TGDS: variants seen among roughly 807,000 people sequenced by gnomAD.
TGDS encodes the protein TDP-glucose 4,6-dehydratase.
In TGDS, 47 loss-of-function variants were observed where a neutral mutation model predicts 52.3. The ratio of observed to expected loss-of-function variants is 0.90; its 90% CI spans 0.71 to 1.15. The LOEUF (loss-of-function observed/expected upper bound fraction) is 1.15, where lower values mean the gene tolerates loss of function less well. Ranked by LOEUF, TGDS falls within the 50% of genes most tolerant of loss-of-function variation. The pLI, the probability that TGDS is intolerant of heterozygous loss-of-function variation, is 0.00. For missense variants in TGDS, 375 were observed against 418.4 expected (o/e 0.90, Z 0.90); for synonymous variants, 115 against 136.9 (o/e 0.84, Z 1.12).
At chr13:94,592,347 G>A (rs752394401) in intron 2 of TGDS, 38 bp from the exon 3 acceptor site, 1 of 1,521,000 alleles carries the variant, frequency 6.6e-7, no homozygotes, top group East Asian at 2.3e-5. Flanking sequence ...AACACAAAAA[G>A]TGACATTAGC....
rs761955397 is a variant in TGDS, at chr13:94,592,299, C to T, written c.164G>A (p.Cys55Tyr). 2 of 1,604,490 alleles carry T rather than the reference C, an allele frequency of 1.2e-6. No individual in the cohort carries two copies. Among genetic ancestry groups the T allele is most frequent in the Non-Finnish European group, 1.7e-6 (2 of 1,177,646 alleles). ...GGTTTCAAGATTCTTCAAGCTTGCA[C>T]AGTAATCCAGCTTGAAAGAAGAGAG... ...MIINLDKLDY[C>Y]ASLKNLETIS... Residue 55 changes from cysteine (C) to tyrosine (Y), a missense_variant, in exon 3 of 12, where the codon TGT (cysteine) becomes TAT (tyrosine). By Grantham distance (194) the Cys-to-Tyr change is radical. Coordinates refer to ENST00000261296, the MANE Select transcript of TGDS (RefSeq NM_014305.4).
intron 6 of TGDS, 77 bp downstream of exon 6, chr13:94,581,014 A>G: frequency 1.1e-6 from 1 of 888,940 alleles, no homozygotes; most frequent in South Asian, 2.5e-5. Context: ...AAAAAAAGAA[A>G]AAAAAAAGCT....
chr13:94,582,060 T>G (rs1437164191), intron 5 of TGDS, among the ~76,000 whole-genome samples: 1 of 152,032 alleles, frequency 6.6e-6, no homozygotes, highest in Non-Finnish European at 1.5e-5. Context: ...TAGCTGGGCA[T>G]GGTGGTGCAT....
intron 2 of TGDS, among the ~76,000 whole-genome samples, chr13:94,593,485 T>C (rs1321367010): frequency 6.6e-6 from 1 of 152,076 alleles, no homozygotes; most frequent in African/African-American, 2.4e-5. Context: ...CTAAGATATG[T>C]CAATTAAAAA....
In TGDS at chr13:94,596,003, T is replaced by C. The variant is rs61059160; in HGVS notation, c.86+48A>G. 460 of 1,607,836 alleles carry C rather than the reference T, an allele frequency of 2.9e-4. No homozygotes were observed. In the African/African-American group the frequency reaches 4.9e-3, roughly 17 times the overall value. Reference sequence around the variant, plus strand: ...GGGCAAGCAGAGCTGCGGGAAAAGGTAGGGGTTTCTGGGGAGCCACTGCTT... The same window carrying C: ...GGGCAAGCAGAGCTGCGGGAAAAGGCAGGGGTTTCTGGGGAGCCACTGCTT... On this transcript the variant is annotated intron_variant, in intron 1 of 11. Transcript: ENST00000261296.
Position 94,583,096 on chromosome 13 carries a change from T to A in TGDS, c.454A>T (p.Lys152Ter). 1 of 1,613,206 alleles carries A rather than the reference T, an allele frequency of 6.2e-7. No homozygotes were observed. Among genetic ancestry groups the A allele is most frequent in the Non-Finnish European group, 8.5e-7 (1 of 1,179,796 alleles). The change falls in exon 5 of 12, where the codon AAG becomes TAG. Residue 152 changes from lysine (K) to a stop codon, truncating the protein, a stop_gained and splice_region_variant. Coordinates refer to ENST00000261296, the MANE Select transcript of TGDS (RefSeq NM_014305.4). LOFTEE classifies it high-confidence loss of function. ...AAATATACATTTTCTAAGCTCACCT[T>A]ATCAAGACTGCCACCATATACTTCA... Reference protein sequence around the residue: ...TDEVYGGSLDKEFDESSPKQP... With the variant: ...TDEVYGGSLD
At chr13:94,586,587 G>A (rs1670945530) in intron 4 of TGDS, among the ~76,000 whole-genome samples, 1 of 152,030 alleles carries the variant, frequency 6.6e-6, no homozygotes, top group Non-Finnish European at 1.5e-5. Context: ...ACCATATACT[G>A]AACCAAAAAG....
At chr13:94,586,034 A>AGG (rs1162640112) in intron 4 of TGDS, among the ~76,000 whole-genome samples, 2 of 152,174 alleles carry the variant, frequency 1.3e-5, no homozygotes, top group Non-Finnish European at 2.9e-5. Flanking sequence ...AAATCCTTAA[A>AGG]AAAAGCAAGC....
intron 1 of TGDS, 48 bp from the exon 2 acceptor site, chr13:94,593,955 A>G: frequency 8.5e-7 from 1 of 1,174,336 alleles, no homozygotes; most frequent in Non-Finnish European, 1.2e-6. Context: ...TAACTTCCCT[A>G]AACTCTTGAA....
At position 94,579,876 on chromosome 13, in the gene TGDS, T is replaced by C. The variant is rs2139518855; in HGVS notation, c.615+18A>G. 2 of 1,476,598 alleles carry C rather than the reference T, an allele frequency of 1.4e-6. No individual in the cohort carries two copies. The highest frequency in any genetic ancestry group is 1.2e-5 in the South Asian group (1 of 82,942). 91.5% of individuals were successfully genotyped at this position (1,476,598 alleles called of 1,614,324 possible). A position where few individuals can be genotyped will look rare whatever the true frequency, so the allele number is the denominator to read the frequency against. ...TACAATCACTGAAAAACACCATGAA[T>C]TAAGAAGTAAAATTTACCTTTTCTG... is the stretch of plus-strand genomic sequence containing the variant. On this transcript the variant is annotated intron_variant, in intron 7 of 11. Coordinates refer to ENST00000261296, the MANE Select transcript of TGDS (RefSeq NM_014305.4).
intron 4 of TGDS, among the ~76,000 whole-genome samples, chr13:94,584,491 A>T (rs1212588882): frequency 6.6e-6 from 1 of 152,270 alleles, no homozygotes; most frequent in Non-Finnish European, 1.5e-5. Flanking sequence ...CTCAATGCGG[A>T]TTGGACATTT....
intron 11 of TGDS, 75 bp from the exon 12 acceptor site, chr13:94,574,927 C>G: frequency 1.2e-6 from 1 of 862,046 alleles, no homozygotes. Flanking sequence ...CCAACCTTTA[C>G]TGAGTTCCTG....
chr13:94,586,283 A>C (rs1888979951), intron 4 of TGDS, among the ~76,000 whole-genome samples: 2 of 152,252 alleles, frequency 1.3e-5, no homozygotes, highest in Non-Finnish European at 2.9e-5. Flanking sequence ...CAGCTAACCC[A>C]TAAAACTAGA....
At chr13:94,581,047 G>T in intron 6 of TGDS, 44 bp downstream of exon 6, 2 of 1,174,186 alleles carry the variant, frequency 1.7e-6, no homozygotes, top group Non-Finnish European at 1.2e-6. Flanking sequence ...TAACACTTAA[G>T]TCCAAAGGAA....
intron 4 of TGDS, among the ~76,000 whole-genome samples, chr13:94,584,489 G>C (rs140836771): frequency 6.6e-6 from 1 of 152,122 alleles, no homozygotes; most frequent in African/African-American, 2.4e-5. Flanking sequence ...ATCTCAATGC[G>C]GATTGGACAT....
intron 1 of TGDS, among the ~76,000 whole-genome samples, chr13:94,595,646 A>G (rs1364257025): frequency 6.6e-6 from 1 of 152,196 alleles, no homozygotes; most frequent in African/African-American, 2.4e-5. Flanking sequence ...TTTGCTGATT[A>G]CATAGATGTC....
chr13:94,583,134 T>C lies in TGDS; in HGVS notation c.416A>G (p.Tyr139Cys). ...AHEARVEKFIYVSTDEVYGGS... is the reference protein window; with the variant it reads ...AHEARVEKFICVSTDEVYGGS... ...ACCATATACTTCATCTGTGCTGACATAAATAAACTTCTCCACTCTGGCTTC... is the reference window on the plus strand; with the variant it reads ...ACCATATACTTCATCTGTGCTGACACAAATAAACTTCTCCACTCTGGCTTC... Residue 139 changes from tyrosine (Y) to cysteine (C), a missense_variant, in exon 5 of 12, where the codon TAT becomes TGT. By Grantham distance (194) the Tyr-to-Cys change is radical. Coordinates refer to ENST00000261296, the MANE Select transcript of TGDS (RefSeq NM_014305.4). 1 of 1,613,960 alleles carries C rather than the reference T, an allele frequency of 6.2e-7. No homozygotes were observed. The highest frequency in any genetic ancestry group is 8.5e-7 in the Non-Finnish European group (1 of 1,179,944).
chr13:94,592,709 C>T (rs1242077967), intron 2 of TGDS, among the ~76,000 whole-genome samples: 1 of 152,154 alleles, frequency 6.6e-6, no homozygotes, highest in Admixed American at 6.5e-5. Context: ...CTGCCTCAGC[C>T]TCCCAAAGTG....
At chr13:94,595,993 C>G (rs551161892) in intron 1 of TGDS, 58 bp downstream of exon 1, 831 of 1,602,358 alleles carry the variant, frequency 5.2e-4, no homozygotes, top group Non-Finnish European at 6.6e-4. Flanking sequence ...AGCAGAGCTG[C>G]GGGAAAAGGT....
Sources: allele counts gnomAD v4.1 joint callset (sites outside exome capture counted in the v4.1 genomes callset), GRCh38; gene constraint gnomAD v4.1.1; transcripts MANE v1.5; gene names NCBI Gene and HGNC (gene_info 2026-07-23, HGNC 2026-07-21).